Variants in IL1RAPL2 observed in about 807,000 individuals in gnomAD.
IL1RAPL2 encodes interleukin 1 receptor accessory protein like 2.
Under a neutral mutation model 44.1 loss-of-function variants are expected in IL1RAPL2, and 3 were observed. The observed-to-expected ratio is 0.07, with a 90% CI of 0.03 to 0.18. IL1RAPL2 has a LOEUF of 0.18. IL1RAPL2 is among the 10% of genes least tolerant of loss of function. The probability of loss-of-function intolerance (pLI) is 1.00; values close to 1 mark genes in which losing one functional copy is unlikely to be tolerated. For missense variants in IL1RAPL2, 391 were observed against 496.4 expected (o/e 0.79, Z 2.02); for synonymous variants, 181 against 178.8 (o/e 1.01, Z -0.10).
intron 6 of IL1RAPL2, among the ~76,000 whole-genome samples, chrX:105,573,690 A>C (rs1041126972): frequency 1.8e-5 from 2 of 110,375 alleles, no homozygotes; most frequent in African/African-American, 6.6e-5. Flanking sequence ...AAGGGGGAAA[A>C]ATTTTAGGGA....
intron 2 of IL1RAPL2, among the ~76,000 whole-genome samples, chrX:104,817,147 T>G (rs1030727802): frequency 7.1e-5 from 8 of 112,562 alleles, no homozygotes; most frequent in Admixed American, 1.9e-4. Flanking sequence ...GTCCTGTCTG[T>G]CTAGATTCTT....
In IL1RAPL2 at chrX:105,685,531, T is replaced by A. The variant is rs142846717; in HGVS notation, c.773-31836T>A. Among the ~76,000 whole-genome samples the A allele has an allele frequency of 5.4e-5, 6 of 111,595 alleles. No homozygotes were observed. In the East Asian group the frequency reaches 1.7e-3, roughly 32 times the overall value. ...AGAGTAAAAAGAAATGAACAAAACC[T>A]CCAAGAAATATGGATCTATGTGAAG... On this transcript the variant is annotated intron_variant, in intron 6 of 10. Transcript: ENST00000372582.
chrX:105,114,464 G>A (rs1462402834), intron 2 of IL1RAPL2, among the ~76,000 whole-genome samples: 5 of 111,809 alleles, frequency 4.5e-5, no homozygotes, highest in Admixed American at 9.4e-5. Context: ...TCTGAGTTAG[G>A]AGCCACTCTT....
chrX:105,293,521 G>T (rs1158198730), intron 5 of IL1RAPL2, among the ~76,000 whole-genome samples: 1 of 111,956 alleles, frequency 8.9e-6, no homozygotes, highest in Admixed American at 9.5e-5. Context: ...CCAAATCTTT[G>T]TCAGCAGTTT....
At chrX:105,429,634 G>A (rs1222161045) in intron 5 of IL1RAPL2, among the ~76,000 whole-genome samples, 3 of 111,440 alleles carry the variant, frequency 2.7e-5, no homozygotes, top group Non-Finnish European at 3.8e-5. Context: ...AGGGGTCAGC[G>A]GACATTTTCT....
intron 2 of IL1RAPL2, among the ~76,000 whole-genome samples, chrX:104,843,335 C>A (rs754368955): frequency 8.9e-6 from 1 of 111,834 alleles, no homozygotes; most frequent in African/African-American, 3.3e-5. Flanking sequence ...TCTTAGCTTG[C>A]TGGGCTCTGT....
chrX:105,703,899 CAT>C (rs1265738390), intron 6 of IL1RAPL2, among the ~76,000 whole-genome samples: 4 of 111,869 alleles, frequency 3.6e-5, no homozygotes, highest in African/African-American at 1.3e-4. Flanking sequence ...ATTTTAAAGA[CAT>C]GTAGTTATAT....
intron 6 of IL1RAPL2, among the ~76,000 whole-genome samples, chrX:105,544,759 C>G (rs148548568): frequency 0.03 from 3,280 of 109,848 alleles, 48 homozygotes; most frequent in Middle Eastern, 0.052. Context: ...TATATGTCTC[C>G]TTCCTCTTTC....
At chrX:105,554,066 A>G (rs1020546867) in intron 6 of IL1RAPL2, among the ~76,000 whole-genome samples, 1 of 112,519 alleles carries the variant, frequency 8.9e-6, no homozygotes, top group Non-Finnish European at 1.9e-5. Flanking sequence ...TCTTTGTAAC[A>G]CATTACTTGG....
intron 6 of IL1RAPL2, among the ~76,000 whole-genome samples, chrX:105,535,711 CG>C (rs2036672029): frequency 1.8e-5 from 2 of 111,502 alleles, no homozygotes; most frequent in African/African-American, 6.5e-5. Context: ...TCCATTTCCA[CG>C]GCATTCTCAA....
chrX:105,696,361 C>T (rs2038075846), intron 6 of IL1RAPL2, among the ~76,000 whole-genome samples: 1 of 111,214 alleles, frequency 9.0e-6, no homozygotes, highest in African/African-American at 3.3e-5. Flanking sequence ...GGATGGTTAG[C>T]GATCATTCCA....
At chrX:105,433,640 G>T (rs1446100741) in intron 5 of IL1RAPL2, among the ~76,000 whole-genome samples, 5 of 111,274 alleles carry the variant, frequency 4.5e-5, no homozygotes, top group African/African-American at 9.8e-5. Flanking sequence ...ATAAAGCTGA[G>T]GTAGACAGTC....
chrX:105,141,095 T>C (rs192492760), intron 2 of IL1RAPL2, among the ~76,000 whole-genome samples: 14 of 111,907 alleles, frequency 1.3e-4, no homozygotes, highest in African/African-American at 4.2e-4. Flanking sequence ...AAAATCAATG[T>C]TTTCGTTAAA....
chrX:105,046,645 A>G (rs1450472937), intron 2 of IL1RAPL2, among the ~76,000 whole-genome samples: 2 of 111,111 alleles, frequency 1.8e-5, no homozygotes, highest in African/African-American at 6.5e-5. Flanking sequence ...AACCTTGGCT[A>G]TAATTTTAAA....
At position 105,693,909 on chromosome X, in the gene IL1RAPL2, C is replaced by T. The variant is rs187830463; in HGVS notation, c.773-23458C>T. On this transcript the variant is annotated intron_variant, in intron 6 of 10. Coordinates refer to ENST00000372582, the MANE Select transcript of IL1RAPL2 (RefSeq NM_017416.2). ...TGTAAGGAAACATTCTCCCCCTAAG[C>T]TTCCAGGAGGAAAGCAGCCCTCATG... Among the ~76,000 whole-genome samples the T allele has an allele frequency of 3.6e-5, 4 of 112,130 alleles. No individual in the cohort carries two copies. In the East Asian group the frequency reaches 1.1e-3, roughly 32 times the overall value.
In IL1RAPL2 at chrX:105,074,666, C is replaced by G. The variant is rs771158517; in HGVS notation, c.83-120809C>G. On this transcript the variant is annotated intron_variant, in intron 2 of 10. Transcript: ENST00000372582. ...ATTTTCACGATATTGATTCTTCCTACCCATGAGCATGGAATGTTCTTCCAT... is the reference window on the plus strand; with the variant it reads ...ATTTTCACGATATTGATTCTTCCTAGCCATGAGCATGGAATGTTCTTCCAT... Among the ~76,000 whole-genome samples the G allele has an allele frequency of 5.3e-3, 564 of 106,169 alleles. 6 individuals carry two copies. Among genetic ancestry groups the G allele is most frequent in the Middle Eastern group, 0.019 (4 of 208 alleles). 92.2% of individuals were successfully genotyped at this position (106,169 alleles called of 115,157 possible).
intron 6 of IL1RAPL2, among the ~76,000 whole-genome samples, chrX:105,684,748 G>C (rs912515441): frequency 5.3e-5 from 6 of 112,185 alleles, no homozygotes; most frequent in African/African-American, 1.9e-4. Context: ...CCTGACCCAC[G>C]AGTAGCCTAA....
chrX:105,655,993 T>C, intron 6 of IL1RAPL2, among the ~76,000 whole-genome samples: 1 of 111,888 alleles, frequency 8.9e-6, no homozygotes, highest in East Asian at 2.8e-4. Context: ...CTGTAAGTTA[T>C]TTTAAAATGT....
At chrX:105,590,813 T>TTGTGTGTGTGTGTGTGTGTG (rs199802193) in intron 6 of IL1RAPL2, among the ~76,000 whole-genome samples, 1 of 97,197 alleles carries the variant, frequency 1.0e-5, no homozygotes, top group African/African-American at 3.9e-5. Flanking sequence ...TGGCCTGAAT[T>TTGTGTGTGTGTGTGTGTGTG]TGTGTGTGTG....
Sources: gnomAD v4.1 joint callset for allele counts (sites outside exome capture counted in the v4.1 genomes callset) on GRCh38, gnomAD v4.1.1 for gene constraint, MANE v1.5 for transcripts, NCBI Gene and HGNC (gene_info 2026-07-23, HGNC 2026-07-21) for gene names.